Variants in FAM3C observed in about 807,000 individuals in gnomAD.
FAM3C encodes protein FAM3C.
Under a neutral mutation model 32.5 loss-of-function variants are expected in FAM3C, and 15 were observed. The ratio of observed to expected loss-of-function variants is 0.46; its 90% CI spans 0.31 to 0.71. The LOEUF (loss-of-function observed/expected upper bound fraction) is 0.71. Among genes scored for constraint, FAM3C ranks in the 30% least tolerant of loss-of-function variants. The pLI is 0.05. For synonymous variants in FAM3C, 75 were observed against 86.1 expected, an observed-to-expected ratio of 0.87 and a Z score of 0.72; for missense variants, 175 against 274.4, an observed-to-expected ratio of 0.64 and a Z score of 2.56.
At chr7:121,350,690 TGA>T (rs1241818492) in intron 9 of FAM3C, 140 bp from the exon 10 acceptor site, 1 of 851,022 alleles carries the variant, frequency 1.2e-6, no homozygotes, top group African/African-American at 1.7e-5. Flanking sequence ...AGATATTAAA[TGA>T]GTGACCCTCA....
chr7:121,371,604 A>G lies in FAM3C; in HGVS notation c.149-181T>C, dbSNP rs550478187. On this transcript the variant is annotated intron_variant, in intron 4 of 9. Transcript: ENST00000359943. ...AAGAACCTCAAAAAATTTTTTTAAA[A>G]AAAAACAGCAACAAAGAAACCCACA... is the stretch of plus-strand genomic sequence containing the variant. Among the ~76,000 whole-genome samples, 3 of 152,322 alleles carry G rather than the reference A, an allele frequency of 2.0e-5. No individual in the cohort carries two copies. The South Asian group carries it at 6.2e-4, about 32-fold the overall frequency.
Position 121,368,347 on chromosome 7 carries a change from T to C in FAM3C, c.272+2953A>G, listed in dbSNP as rs779536052. Among the ~76,000 whole-genome samples the C allele has an allele frequency of 1.4e-4, 21 of 152,194 alleles. 1 individual carries two copies. Among genetic ancestry groups the C allele is most frequent in the Non-Finnish European group, 1.5e-4 (10 of 68,034 alleles). ...AACTGCCCCCATTGAGACACACTGA[T>C]CCAAGATTAGTAGTCTCCAAAGTGA... On this transcript the variant is annotated intron_variant, in intron 5 of 9. Transcript: ENST00000359943.
At chr7:121,366,840 A>G (rs1306893602) in intron 5 of FAM3C, among the ~76,000 whole-genome samples, 1 of 152,212 alleles carries the variant, frequency 6.6e-6, no homozygotes, top group Non-Finnish European at 1.5e-5. Context: ...TGTTTCTTTC[A>G]GAAATACATT....
In FAM3C at chr7:121,351,047, C is replaced by T. The variant is rs181911701; in HGVS notation, c.594+96G>A. The T allele has an allele frequency of 1.6e-4, 178 of 1,079,000 alleles. 1 individual carries two copies. In the East Asian group the frequency reaches 3.9e-3, roughly 24 times the overall value. The allele number at this position is 1,079,000 out of a possible 1,614,324, so 66.8% of individuals were successfully genotyped here. On this transcript the variant is annotated intron_variant, in intron 9 of 9. Coordinates refer to ENST00000359943, the MANE Select transcript of FAM3C (RefSeq NM_014888.3). ...CAAATATATGATCATATTTACTATC[C>T]GCTTTATCTAATTTTCAAATAGCTG...
intron 2 of FAM3C, 114 bp downstream of exon 2, chr7:121,382,843 T>C: frequency 1.3e-6 from 1 of 766,094 alleles, no homozygotes; most frequent in Non-Finnish European, 2.1e-6. Context: ...ATGATTTAGT[T>C]TATTTCAGTT....
intron 1 of FAM3C, among the ~76,000 whole-genome samples, chr7:121,395,664 A>G (rs1794675650): frequency 6.6e-6 from 1 of 152,152 alleles, no homozygotes; most frequent in South Asian, 2.1e-4. Flanking sequence ...AAAGGGCTGG[A>G]TAGCTTGTAA....
chr7:121,383,250 G>A (rs1794394640), intron 1 of FAM3C, among the ~76,000 whole-genome samples: 1 of 152,104 alleles, frequency 6.6e-6, no homozygotes, highest in African/African-American at 2.4e-5. Flanking sequence ...GAGTAAAAGT[G>A]TGTTATCAAG....
chr7:121,388,129 C>CT (rs1794499644), intron 1 of FAM3C, among the ~76,000 whole-genome samples: 1 of 151,854 alleles, frequency 6.6e-6, no homozygotes, highest in Admixed American at 6.6e-5. Flanking sequence ...GTTTTTAACA[C>CT]TAAAGGCTTG....
chr7:121,356,489 A>G (rs889077331), intron 8 of FAM3C, among the ~76,000 whole-genome samples: 11 of 152,354 alleles, frequency 7.2e-5, no homozygotes, highest in African/African-American at 2.2e-4. Flanking sequence ...TCCAAATTAA[A>G]GAACATCAGG....
intron 3 of FAM3C, among the ~76,000 whole-genome samples, chr7:121,373,358 C>T (rs1794183974): frequency 1.3e-5 from 2 of 152,182 alleles, no homozygotes; most frequent in African/African-American, 4.8e-5. Context: ...TGTACTAAGT[C>T]TGCAATTCTG....
At chr7:121,350,645 C>A in intron 9 of FAM3C, 95 bp from the exon 10 acceptor site, 1 of 1,249,862 alleles carries the variant, frequency 8.0e-7, no homozygotes, top group Non-Finnish European at 1.1e-6. Context: ...CAGTAATACT[C>A]ATGTCAACAA....
Position 121,369,028 on chromosome 7 carries a change from G to T in FAM3C, c.272+2272C>A, listed in dbSNP as rs1314806907. On this transcript the variant is annotated intron_variant, in intron 5 of 9. Transcript: ENST00000359943. The stretch of plus-strand genomic sequence containing the variant: ...TCTCGCTCTGCCGCCCACCCAGGCT[G>T]CAGTGCAGTGGTGCGATCTTGGCCC... 1.1e-4 allele frequency among the ~76,000 whole-genome samples: 15 copies of T among 140,910 alleles called. 1 individual carries two copies. Among genetic ancestry groups the T allele is most frequent in the African/African-American group, 3.7e-4 (14 of 37,926 alleles). The allele number at this position is 140,910 out of a possible 152,430, so 92.4% of individuals were successfully genotyped here. A position where few individuals can be genotyped will look rare whatever the true frequency, so the allele number is the denominator to read the frequency against.
intron 2 of FAM3C, 147 bp downstream of exon 2, chr7:121,382,810 A>G (rs1258438520): frequency 3.4e-6 from 2 of 590,770 alleles, no homozygotes; most frequent in Admixed American, 6.3e-5. Context: ...TGATTTGCCA[A>G]CTACCTAAAA....
chr7:121,363,174 T>C (rs1406231970), intron 6 of FAM3C, among the ~76,000 whole-genome samples: 1 of 152,164 alleles, frequency 6.6e-6, no homozygotes, highest in East Asian at 1.9e-4. Context: ...AATAGAACTT[T>C]CTCATTAATC....
intron 1 of FAM3C, among the ~76,000 whole-genome samples, chr7:121,385,057 A>T (rs975563564): frequency 6.6e-6 from 1 of 152,170 alleles, no homozygotes; most frequent in Non-Finnish European, 1.5e-5. Context: ...CAATAATTAA[A>T]CAAGGATTGA....
chr7:121,393,370 C>G (rs1794618585), intron 1 of FAM3C, among the ~76,000 whole-genome samples: 1 of 152,080 alleles, frequency 6.6e-6, no homozygotes, highest in Non-Finnish European at 1.5e-5. Context: ...AGGTGGAGTT[C>G]AAGGCTACAG....
At chr7:121,353,496 A>C (rs1333547450) in intron 8 of FAM3C, among the ~76,000 whole-genome samples, 4 of 152,240 alleles carry the variant, frequency 2.6e-5, no homozygotes, top group Non-Finnish European at 4.4e-5. Flanking sequence ...GCCTACTAGC[A>C]AGACTGACCC....
Position 121,351,342 on chromosome 7 carries a change from TAACAC to T in FAM3C, c.468-78_468-74del. On this transcript the variant is annotated intron_variant, in intron 8 of 9. Coordinates refer to ENST00000359943, the MANE Select transcript of FAM3C (RefSeq NM_014888.3). ...TGCTAATACTGGTTCACTGGGATAT[TAACAC>T]AAAACATGAGACAAAATGAGACTTT... 3.0e-6 allele frequency: 4 copies of T among 1,350,380 alleles called. No individual in the cohort carries two copies. The South Asian group carries it at 7.1e-5, about 24-fold the overall frequency. The allele number at this position is 1,350,380 out of a possible 1,614,324, so 83.6% of individuals were successfully genotyped here.
chr7:121,370,240 A>C (rs1025077369), intron 5 of FAM3C, among the ~76,000 whole-genome samples: 1 of 152,220 alleles, frequency 6.6e-6, no homozygotes, highest in Non-Finnish European at 1.5e-5. Context: ...CGGGAAAATA[A>C]AGGAAATCAG....
Sources: allele counts gnomAD v4.1 joint callset (sites outside exome capture counted in the v4.1 genomes callset), GRCh38; gene constraint gnomAD v4.1.1; transcripts MANE v1.5; gene names NCBI Gene and HGNC (gene_info 2026-07-23, HGNC 2026-07-21).